Variants in SLIT3 observed in about 807,000 individuals in gnomAD.
SLIT3 encodes the protein slit guidance ligand 3.
A neutral mutation model predicts 184.0 loss-of-function variants in SLIT3; 68 were observed. The observed-to-expected ratio is 0.37, with a 90% CI of 0.30 to 0.45. The LOEUF (loss-of-function observed/expected upper bound fraction) is 0.45. Among genes scored for constraint, SLIT3 ranks in the 20% least tolerant of loss-of-function variants. SLIT3 has a pLI of 1.00. For missense variants in SLIT3, 1,707 were observed against 2,026.0 expected (o/e 0.84, Z 3.02); for synonymous variants, 831 against 828.6 (o/e 1.00, Z -0.05).
In SLIT3 at chr5:169,150,705, T is replaced by C. The variant is rs574578901; in HGVS notation, c.413+42774A>G. ...TAAACTACCTCCTGCTGTGTTTTAA[T>C]ACTAATGCATTGTGACCTTGAACAA... On this transcript the variant is annotated intron_variant, in intron 4 of 35. Coordinates refer to ENST00000519560, the MANE Select transcript of SLIT3 (RefSeq NM_003062.4). Among the ~76,000 whole-genome samples, 10 of 152,298 alleles carry C rather than the reference T, an allele frequency of 6.6e-5. No homozygotes were observed. In the South Asian group the frequency reaches 2.1e-3, roughly 32 times the overall value.
chr5:169,234,628 G>C (rs1031046238), intron 3 of SLIT3, among the ~76,000 whole-genome samples: 7 of 151,982 alleles, frequency 4.6e-5, no homozygotes, highest in African/African-American at 1.5e-4. Flanking sequence ...GGCTGGTCTG[G>C]AACTCTTGAC....
chr5:168,706,199 C>G (rs981477198), intron 26 of SLIT3, among the ~76,000 whole-genome samples: 2 of 152,182 alleles, frequency 1.3e-5, no homozygotes, highest in Non-Finnish European at 2.9e-5. Flanking sequence ...CAGCAGTATG[C>G]CAGCTTATTG....
intron 20 of SLIT3, among the ~76,000 whole-genome samples, chr5:168,744,341 A>G (rs1301184544): frequency 6.6e-6 from 1 of 152,224 alleles, no homozygotes; most frequent in African/African-American, 2.4e-5. Flanking sequence ...GGAAAGTGTA[A>G]AGTAAAGCAG....
At chr5:169,276,898 CTG>C (rs575208706) in intron 1 of SLIT3, among the ~76,000 whole-genome samples, 179 of 152,310 alleles carry the variant, frequency 1.2e-3, no homozygotes, top group African/African-American at 4.1e-3. Context: ...TTTTTTAAAA[CTG>C]TAAAATCTAC....
chr5:168,735,661 T>TACACACACACACACACACACAC (rs150528782), intron 20 of SLIT3, among the ~76,000 whole-genome samples: 8 of 142,072 alleles, frequency 5.6e-5, no homozygotes, highest in Admixed American at 4.9e-4. Context: ...GACAGATAGA[T>TACACACACACACACACACACAC]ACACACACAC....
chr5:169,091,303 T>A (rs1308799959), intron 4 of SLIT3, among the ~76,000 whole-genome samples: 1 of 152,228 alleles, frequency 6.6e-6, no homozygotes. Flanking sequence ...CTGTAAGGGA[T>A]GCATTCTTGC....
At chr5:168,982,747 C>T (rs999998463) in intron 4 of SLIT3, among the ~76,000 whole-genome samples, 1 of 152,138 alleles carries the variant, frequency 6.6e-6, no homozygotes, top group Non-Finnish European at 1.5e-5. Flanking sequence ...CTAGAGCTGA[C>T]ATTTGGGGTA....
chr5:169,084,454 ATTTT>A (rs56062027), intron 4 of SLIT3, among the ~76,000 whole-genome samples: 5 of 101,404 alleles, frequency 4.9e-5, no homozygotes, highest in African/African-American at 7.8e-5. Flanking sequence ...CCATGCCCAG[ATTTT>A]TTTTTTTTTT....
chr5:168,791,592 T>C (rs896440889), intron 10 of SLIT3: 42 of 152,274 alleles, frequency 2.8e-4, no homozygotes, highest in African/African-American at 9.9e-4. Flanking sequence ...TTTTCACTAC[T>C]GTACTCAACT....
At chr5:169,217,335 G>A (rs1764473021) in intron 3 of SLIT3, among the ~76,000 whole-genome samples, 1 of 152,010 alleles carries the variant, frequency 6.6e-6, no homozygotes, top group Admixed American at 6.6e-5. Context: ...TTGTAAGCAG[G>A]GCAGAGTTCC....
At chr5:168,891,835 C>T (rs973654032) in intron 4 of SLIT3, among the ~76,000 whole-genome samples, 1 of 152,204 alleles carries the variant, frequency 6.6e-6, no homozygotes, top group Admixed American at 6.5e-5. Flanking sequence ...AGATTGCAAA[C>T]TCAGATGCTT....
At chr5:168,692,097 C>G (rs943028212) in intron 29 of SLIT3, among the ~76,000 whole-genome samples, 1 of 152,226 alleles carries the variant, frequency 6.6e-6, no homozygotes, top group African/African-American at 2.4e-5. Flanking sequence ...AATGGCCATG[C>G]TGCTGGACCA....
chr5:169,225,652 C>T (rs1242102482), intron 3 of SLIT3, among the ~76,000 whole-genome samples: 1 of 152,164 alleles, frequency 6.6e-6, no homozygotes, highest in Non-Finnish European at 1.5e-5. Context: ...GGAAGGCTTC[C>T]CGGAGGAAGT....
intron 4 of SLIT3, among the ~76,000 whole-genome samples, chr5:169,146,676 A>AC (rs1441506523): frequency 6.6e-6 from 1 of 151,408 alleles, no homozygotes; most frequent in Non-Finnish European, 1.5e-5. Flanking sequence ...CCCAAGTCAC[A>AC]CCCCCAGTTG....
In SLIT3 at chr5:169,120,656, C is replaced by T. The variant is rs368181458; in HGVS notation, c.413+72823G>A. On this transcript the variant is annotated intron_variant, in intron 4 of 35. Transcript: ENST00000519560. The stretch of plus-strand genomic sequence containing the variant: ...CTAAATCTGTGGTAATTTGTTAAGA[C>T]AGCAGTAGGAAACGAATACACCAAG... Among the ~76,000 whole-genome samples the T allele has an allele frequency of 5.3e-5, 8 of 152,302 alleles. No homozygotes were observed. In the East Asian group the frequency reaches 1.5e-3, roughly 29 times the overall value.
At chr5:168,955,066 G>A (rs1245499571) in intron 4 of SLIT3, among the ~76,000 whole-genome samples, 2 of 115,808 alleles carry the variant, frequency 1.7e-5, no homozygotes, top group Non-Finnish European at 3.3e-5. Flanking sequence ...CCACCTAGAG[G>A]CACTCCTGGC....
intron 1 of SLIT3, among the ~76,000 whole-genome samples, chr5:169,277,771 A>C (rs1038586818): frequency 6.6e-6 from 1 of 152,228 alleles, no homozygotes; most frequent in Non-Finnish European, 1.5e-5. Flanking sequence ...TGGGTATATA[A>C]TTAAGACTGG....
At chr5:169,041,186 G>A (rs967656811) in intron 4 of SLIT3, among the ~76,000 whole-genome samples, 1 of 152,150 alleles carries the variant, frequency 6.6e-6, no homozygotes, top group Admixed American at 6.5e-5. Flanking sequence ...CTTCTTTTGA[G>A]ACGTGGCCCC....
intron 1 of SLIT3, among the ~76,000 whole-genome samples, chr5:169,289,805 G>GGTCAA (rs1469968020): frequency 6.6e-6 from 1 of 152,166 alleles, no homozygotes; most frequent in Admixed American, 6.5e-5. Flanking sequence ...ACAATTCTAT[G>GGTCAA]GTCAAGTCAT....
Sources: gnomAD v4.1 joint callset for allele counts (sites outside exome capture counted in the v4.1 genomes callset) on GRCh38, gnomAD v4.1.1 for gene constraint, MANE v1.5 for transcripts, NCBI Gene and HGNC (gene_info 2026-07-23, HGNC 2026-07-21) for gene names.